Variants in MAML3 observed in about 807,000 individuals in gnomAD.
The protein encoded by MAML3 is mastermind like transcriptional coactivator 3, also known as mastermind-like protein 3.
A neutral mutation model predicts 101.9 loss-of-function variants in MAML3; 27 were observed. That is an observed-to-expected ratio of 0.27 (90% CI 0.20 to 0.37). MAML3 has a LOEUF of 0.37. Among genes scored for constraint, MAML3 ranks in the 10% least tolerant of loss-of-function variants. MAML3 has a pLI of 1.00. For synonymous variants in MAML3, 501 were observed against 555.9 expected, an observed-to-expected ratio of 0.90 and a Z score of 1.39; for missense variants, 1,316 against 1,444.9, an observed-to-expected ratio of 0.91 and a Z score of 1.45.
intron 1 of MAML3, among the ~76,000 whole-genome samples, chr4:139,947,209 G>A (rs1009561255): frequency 1.3e-5 from 2 of 152,016 alleles, no homozygotes; most frequent in African/African-American, 4.8e-5. Context: ...TAAAATCTTC[G>A]GTAGATTTTA....
At chr4:139,879,169 TTTTG>T (rs752040970) in intron 2 of MAML3, among the ~76,000 whole-genome samples, 4 of 152,184 alleles carry the variant, frequency 2.6e-5, no homozygotes, top group Non-Finnish European at 5.9e-5. Context: ...TTATGTTGCT[TTTTG>T]TTTGTTTGTT....
At chr4:139,956,037 C>T (rs539154833) in intron 1 of MAML3, among the ~76,000 whole-genome samples, 18 of 152,280 alleles carry the variant, frequency 1.2e-4, no homozygotes, top group African/African-American at 3.6e-4. Flanking sequence ...TGTGGCACAA[C>T]CTTACCTTTT....
At chr4:139,871,614 T>C (rs1732008441) in intron 2 of MAML3, among the ~76,000 whole-genome samples, 1 of 152,174 alleles carries the variant, frequency 6.6e-6, no homozygotes, top group Admixed American at 6.5e-5. Flanking sequence ...TGACTACCCA[T>C]TGCTTCTTGT....
At chr4:140,057,703 A>AG (rs2110932315) in intron 1 of MAML3, among the ~76,000 whole-genome samples, 1 of 152,248 alleles carries the variant, frequency 6.6e-6, no homozygotes, top group East Asian at 1.9e-4. Context: ...TGGGTTGGGG[A>AG]GGTATTAAAC....
intron 1 of MAML3, among the ~76,000 whole-genome samples, chr4:140,039,436 G>A (rs1408638541): frequency 6.6e-6 from 1 of 152,130 alleles, no homozygotes; most frequent in Non-Finnish European, 1.5e-5. Flanking sequence ...CTTTACCCTT[G>A]TGCCATGAGT....
intron 2 of MAML3, among the ~76,000 whole-genome samples, chr4:139,821,232 C>T (rs374344032): frequency 1.1e-4 from 16 of 152,260 alleles, no homozygotes; most frequent in South Asian, 2.1e-4. Flanking sequence ...CCCCAATCCC[C>T]GGATCATGGA....
At chr4:140,096,434 C>T (rs960638696) in intron 1 of MAML3, among the ~76,000 whole-genome samples, 3 of 152,104 alleles carry the variant, frequency 2.0e-5, no homozygotes, top group East Asian at 1.9e-4. Flanking sequence ...AGCTGAAATA[C>T]GTATCCGAAA....
At chr4:140,076,646 G>C (rs1426074851) in intron 1 of MAML3, among the ~76,000 whole-genome samples, 1 of 152,254 alleles carries the variant, frequency 6.6e-6, no homozygotes, top group South Asian at 2.1e-4. Flanking sequence ...TGCTGATTCT[G>C]AGCTAGTATT....
intron 1 of MAML3, among the ~76,000 whole-genome samples, chr4:140,067,578 T>C (rs1349339187): frequency 2.0e-5 from 3 of 152,196 alleles, no homozygotes; most frequent in Admixed American, 6.5e-5. Context: ...TGTCTCAATA[T>C]TTAAAAAGCA....
chr4:139,751,005 C>G (rs1336784021), intron 2 of MAML3, among the ~76,000 whole-genome samples: 1 of 152,230 alleles, frequency 6.6e-6, no homozygotes, highest in Non-Finnish European at 1.5e-5. Context: ...GATTCAATCA[C>G]TCTTTTCCTG....
chr4:139,991,570 C>A (rs866085956), intron 1 of MAML3, among the ~76,000 whole-genome samples: 21 of 152,130 alleles, frequency 1.4e-4, no homozygotes, highest in African/African-American at 4.6e-4. Context: ...TCATTTAATA[C>A]ATATTTCCAA....
At chr4:139,904,912 A>G (rs930777598) in intron 1 of MAML3, among the ~76,000 whole-genome samples, 9 of 152,256 alleles carry the variant, frequency 5.9e-5, no homozygotes, top group African/African-American at 2.2e-4. Flanking sequence ...AACACAGAAA[A>G]GGTACAGTAA....
chr4:139,832,098 T>C (rs1235252647), intron 2 of MAML3, among the ~76,000 whole-genome samples: 4 of 80,776 alleles, frequency 5.0e-5, no homozygotes, highest in African/African-American at 3.8e-4. Context: ...CAGCCCCTTT[T>C]TTTTTTTTTT....
At chr4:139,769,347 G>A (rs1356373197) in intron 2 of MAML3, among the ~76,000 whole-genome samples, 2 of 152,188 alleles carry the variant, frequency 1.3e-5, no homozygotes, top group Admixed American at 1.3e-4. Flanking sequence ...CACATCTCAG[G>A]TGCATGGAAC....
At chr4:139,902,608 A>G (rs1732748971) in intron 1 of MAML3, among the ~76,000 whole-genome samples, 1 of 152,042 alleles carries the variant, frequency 6.6e-6, no homozygotes, top group South Asian at 2.1e-4. Flanking sequence ...CGCTCTGAAA[A>G]TTTTCAGCCA....
intron 1 of MAML3, among the ~76,000 whole-genome samples, chr4:140,082,127 AGAGTAGG>A (rs1271192113): frequency 1.8e-4 from 28 of 152,336 alleles, no homozygotes; most frequent in Non-Finnish European, 1.0e-4. Flanking sequence ...TGTAAGCAAC[AGAGTAGG>A]AAGCAGCTGA....
chr4:139,796,115 ATT>A (rs1730507465), intron 2 of MAML3, among the ~76,000 whole-genome samples: 1 of 152,186 alleles, frequency 6.6e-6, no homozygotes, highest in Non-Finnish European at 1.5e-5. Flanking sequence ...CTAGAATGCC[ATT>A]TCTGTAATTT....
chr4:140,078,664 G>C (rs1727814718), intron 1 of MAML3, among the ~76,000 whole-genome samples: 1 of 152,186 alleles, frequency 6.6e-6, no homozygotes, highest in African/African-American at 2.4e-5. Flanking sequence ...GGAAAAGAGG[G>C]ACTAGAGCAA....
intron 1 of MAML3, among the ~76,000 whole-genome samples, chr4:140,018,773 T>C (rs1726687973): frequency 6.6e-6 from 1 of 152,218 alleles, no homozygotes; most frequent in Non-Finnish European, 1.5e-5. Context: ...GTATATAATG[T>C]TTTGGGACAT....
Sources: allele counts gnomAD v4.1 joint callset (sites outside exome capture counted in the v4.1 genomes callset), GRCh38; gene constraint gnomAD v4.1.1; transcripts MANE v1.5; gene names NCBI Gene and HGNC (gene_info 2026-07-23, HGNC 2026-07-21).